Variants in RASSF3 observed in about 807,000 individuals in gnomAD.
RASSF3 encodes ras association domain-containing protein 3.
RASSF3 carries 19 observed loss-of-function variants against 19.9 expected under a neutral mutation model. That is an observed-to-expected ratio of 0.96 (90% confidence interval 0.67 to 1.40). RASSF3 has a LOEUF of 1.40. Among genes scored for constraint, RASSF3 ranks in the 40% most tolerant of loss-of-function variants. The pLI, the probability that RASSF3 is intolerant of heterozygous loss-of-function variation, is 0.00. For missense variants in RASSF3, 306 were observed against 289.8 expected (o/e 1.06, Z -0.41); for synonymous variants, 110 against 104.2 (o/e 1.06, Z -0.34).
chr12:64,641,417 C>T (rs111534545), intron 1 of RASSF3, among the ~76,000 whole-genome samples: 6 of 147,092 alleles, frequency 4.1e-5, no homozygotes, highest in Admixed American at 3.4e-4. Flanking sequence ...CACACACACG[C>T]GCGCGCGCGC....
rs1352374635 is a variant in RASSF3, at chr12:64,694,963, G to A, written c.*51G>A. 1.9e-6 allele frequency: 3 copies of A among 1,584,530 alleles called. No homozygotes were observed. Among genetic ancestry groups the A allele is most frequent in the Non-Finnish European group, 2.6e-6 (3 of 1,161,506 alleles). On this transcript the variant is annotated 3_prime_UTR_variant, in exon 5 of 5. Transcript: ENST00000542104. Reference sequence around the variant, plus strand: ...CGGTGCAGGACCGATGTACAAAACAGCAGCAAGTGCCTCTCTTCTCAGAGG... The same window carrying A: ...CGGTGCAGGACCGATGTACAAAACAACAGCAAGTGCCTCTCTTCTCAGAGG...
intron 1 of RASSF3, among the ~76,000 whole-genome samples, chr12:64,644,078 G>A (rs111371334): frequency 7.9e-5 from 12 of 152,268 alleles, no homozygotes; most frequent in African/African-American, 2.6e-4. Context: ...ATTTTGCTCT[G>A]CAGGGATAGT....
At chr12:64,560,234 T>G (rs895072090) in intron 2 of RASSF3, among the ~76,000 whole-genome samples, 24 of 152,332 alleles carry the variant, frequency 1.6e-4, no homozygotes, top group African/African-American at 5.3e-4. Context: ...TTAACTGACT[T>G]GCTTTAGCTG....
intron 1 of RASSF3, among the ~76,000 whole-genome samples, chr12:64,660,343 A>G (rs1180058258): frequency 6.6e-6 from 1 of 152,144 alleles, no homozygotes; most frequent in Non-Finnish European, 1.5e-5. Context: ...CAATTCCATC[A>G]TCATTAACCA....
intron 2 of RASSF3, among the ~76,000 whole-genome samples, chr12:64,563,971 C>T (rs1354799448): frequency 1.3e-5 from 2 of 152,200 alleles, no homozygotes; most frequent in Non-Finnish European, 2.9e-5. Flanking sequence ...TTGCTCATAG[C>T]TGCATCCCTA....
chr12:64,507,583 C>T (rs1868299804), intron 1 of RASSF3: 2 of 294,314 alleles, frequency 6.8e-6, no homozygotes, highest in East Asian at 5.4e-5. Flanking sequence ...CATTTTGATT[C>T]CGAAAAGTTG....
intron 4 of RASSF3, 138 bp from the exon 5 acceptor site, chr12:64,694,625 A>C: frequency 1.1e-6 from 1 of 895,006 alleles, no homozygotes; most frequent in Non-Finnish European, 1.7e-6. Flanking sequence ...GCAACACCCC[A>C]GCTCTTGCAG....
intron 1 of RASSF3, among the ~76,000 whole-genome samples, chr12:64,679,520 G>A (rs1347649186): frequency 6.6e-6 from 1 of 152,180 alleles, no homozygotes; most frequent in African/African-American, 2.4e-5. Flanking sequence ...TTCTTAGAAA[G>A]TCTGAGTTGT....
intron 1 of RASSF3, among the ~76,000 whole-genome samples, chr12:64,669,475 G>A (rs1421170225): frequency 6.6e-6 from 1 of 152,008 alleles, no homozygotes; most frequent in Non-Finnish European, 1.5e-5. Flanking sequence ...TTCTTTTACA[G>A]TGTCTGCCAC....
At chr12:64,554,778 G>T (rs978341383) in intron 2 of RASSF3, among the ~76,000 whole-genome samples, 1 of 152,264 alleles carries the variant, frequency 6.6e-6, no homozygotes, top group Non-Finnish European at 1.5e-5. Flanking sequence ...CTTGTTTATT[G>T]TCTATCTTCT....
At chr12:64,652,473 A>G (rs1871996034) in intron 1 of RASSF3, among the ~76,000 whole-genome samples, 1 of 144,804 alleles carries the variant, frequency 6.9e-6, no homozygotes, top group African/African-American at 2.6e-5. Context: ...CAAACTCCAG[A>G]GAGCCTCATG....
At chr12:64,689,994 T>G (rs2136223406) in intron 3 of RASSF3, among the ~76,000 whole-genome samples, 1 of 151,646 alleles carries the variant, frequency 6.6e-6, no homozygotes, top group East Asian at 2.0e-4. Context: ...TTTCACTGTG[T>G]TAGCTAGGAT....
Position 64,507,881 on chromosome 12 carries a change from C to A in RASSF3, c.169+552C>A, listed in dbSNP as rs115408900. Reference sequence around the variant, plus strand: ...TAAAGCCCTGCCTTTTCTGTCCAGTCCTGCCTGACTGGAATATGCAAGGGT... The same window carrying A: ...TAAAGCCCTGCCTTTTCTGTCCAGTACTGCCTGACTGGAATATGCAAGGGT... On this transcript the variant is annotated intron_variant, in intron 1 of 5. Transcript: ENST00000637125. Among the ~76,000 whole-genome samples, 994 of 152,214 alleles carry A rather than the reference C, an allele frequency of 6.5e-3. 10 individuals are homozygous for A. Among genetic ancestry groups the A allele is most frequent in the African/African-American group, 0.023 (945 of 41,552 alleles).
chr12:64,576,420 T>C (rs1357960579), intron 2 of RASSF3, among the ~76,000 whole-genome samples: 1 of 152,040 alleles, frequency 6.6e-6, no homozygotes, highest in Non-Finnish European at 1.5e-5. Flanking sequence ...ATGTGAAAAC[T>C]AAAACAATAA....
At chr12:64,619,867 C>T (rs1870685938) in intron 1 of RASSF3, among the ~76,000 whole-genome samples, 1 of 151,774 alleles carries the variant, frequency 6.6e-6, no homozygotes, top group Non-Finnish European at 1.5e-5. Context: ...GTACTCCCAG[C>T]TACTCGGTAG....
At chr12:64,649,886 C>T (rs565190995) in intron 1 of RASSF3, among the ~76,000 whole-genome samples, 1 of 152,188 alleles carries the variant, frequency 6.6e-6, no homozygotes, top group Non-Finnish European at 1.5e-5. Context: ...ATATTCTTTA[C>T]GATTATAAAG....
At chr12:64,675,492 A>G (rs1872864380) in intron 1 of RASSF3, among the ~76,000 whole-genome samples, 1 of 152,026 alleles carries the variant, frequency 6.6e-6, no homozygotes, top group Non-Finnish European at 1.5e-5. Flanking sequence ...TTAACTTTCT[A>G]AGGAACACTG....
At chr12:64,686,969 C>T (rs930293081) in intron 2 of RASSF3, among the ~76,000 whole-genome samples, 1 of 152,150 alleles carries the variant, frequency 6.6e-6, no homozygotes, top group African/African-American at 2.4e-5. Context: ...TAAAACAGTA[C>T]AATAAATCTT....
intron 1 of RASSF3, among the ~76,000 whole-genome samples, chr12:64,517,287 T>C (rs1868384463): frequency 7.3e-6 from 1 of 137,410 alleles, no homozygotes; most frequent in African/African-American, 2.8e-5. Flanking sequence ...AAGGATTCAA[T>C]ATTGTATTGA....
Sources: allele counts gnomAD v4.1 joint callset (sites outside exome capture counted in the v4.1 genomes callset), GRCh38; gene constraint gnomAD v4.1.1; transcripts MANE v1.5; gene names NCBI Gene and HGNC (gene_info 2026-07-23, HGNC 2026-07-21).